PCCA: variants seen among roughly 807,000 people sequenced by gnomAD.
PCCA encodes propionyl-CoA carboxylase alpha chain, mitochondrial.
A neutral mutation model predicts 101.3 loss-of-function variants in PCCA; 74 were observed. That is an observed-to-expected ratio of 0.73 (90% CI 0.61 to 0.89). The LOEUF (loss-of-function observed/expected upper bound fraction) is 0.89, where lower values mean the gene tolerates loss of function less well. PCCA is among the 40% of genes least tolerant of loss of function. The probability of loss-of-function intolerance (pLI) is 0.00; values close to 1 mark genes in which losing one functional copy is unlikely to be tolerated. For missense variants in PCCA, 891 were observed against 907.0 expected, an observed-to-expected ratio of 0.98 and a Z score of 0.23; for synonymous variants, 294 against 313.6, an observed-to-expected ratio of 0.94 and a Z score of 0.66.
chr13:100,405,379 T>C (rs187162231), intron 19 of PCCA, among the ~76,000 whole-genome samples: 1 of 152,298 alleles, frequency 6.6e-6, no homozygotes. Context: ...GCAGGGTTAG[T>C]CTAAAATGTA....
At chr13:100,481,859 A>AG (rs1281809836) in intron 21 of PCCA, among the ~76,000 whole-genome samples, 1 of 152,196 alleles carries the variant, frequency 6.6e-6, no homozygotes, top group Non-Finnish European at 1.5e-5. Flanking sequence ...ACCTTGGATA[A>AG]GGGGGGACTA....
At chr13:100,400,175 A>T (rs952074293) in intron 19 of PCCA, among the ~76,000 whole-genome samples, 1 of 152,160 alleles carries the variant, frequency 6.6e-6, no homozygotes, top group Non-Finnish European at 1.5e-5. Flanking sequence ...TGGGTGATGG[A>T]TATATAGAGG....
intron 6 of PCCA, chr13:100,161,635 ATACTC>A (rs1006516395): frequency 4.6e-5 from 7 of 151,128 alleles, no homozygotes; most frequent in African/African-American, 7.3e-5. Flanking sequence ...GATCCATATG[ATACTC>A]TACTCATTCA....
intron 10 of PCCA, among the ~76,000 whole-genome samples, chr13:100,264,745 A>G (rs754625899): frequency 9.9e-5 from 15 of 152,172 alleles, no homozygotes; most frequent in Non-Finnish European, 4.4e-5. Context: ...GTTGGATTAC[A>G]TAGTAAGGTT....
At chr13:100,205,440 T>G (rs2058792976) in intron 6 of PCCA, among the ~76,000 whole-genome samples, 1 of 151,998 alleles carries the variant, frequency 6.6e-6, no homozygotes, top group Non-Finnish European at 1.5e-5. Flanking sequence ...AAAAGGAAGT[T>G]AAGTCTTTGA....
At chr13:100,326,358 A>C (rs2068682649) in intron 16 of PCCA, among the ~76,000 whole-genome samples, 1 of 152,206 alleles carries the variant, frequency 6.6e-6, no homozygotes. Context: ...ATGAAGAAGA[A>C]GACATAGAAG....
intron 6 of PCCA, among the ~76,000 whole-genome samples, chr13:100,193,363 A>T (rs762550344): frequency 6.6e-6 from 1 of 152,210 alleles, no homozygotes; most frequent in Non-Finnish European, 1.5e-5. Flanking sequence ...AAGAGAAGAT[A>T]TAAAAAAACG....
At chr13:100,382,501 T>C (rs1173523175) in intron 19 of PCCA, among the ~76,000 whole-genome samples, 1 of 152,180 alleles carries the variant, frequency 6.6e-6, no homozygotes, top group Non-Finnish European at 1.5e-5. Flanking sequence ...GCTTTTCAGC[T>C]TGAGGGTGGA....
At chr13:100,183,683 T>C (rs958683322) in intron 6 of PCCA, among the ~76,000 whole-genome samples, 1 of 152,054 alleles carries the variant, frequency 6.6e-6, no homozygotes, top group African/African-American at 2.4e-5. Context: ...GAAGGGGCTG[T>C]AGTGTCGGGA....
At chr13:100,354,115 A>ATAATAG (rs1207706210) in intron 18 of PCCA, among the ~76,000 whole-genome samples, 1 of 138,144 alleles carries the variant, frequency 7.2e-6, no homozygotes, top group African/African-American at 2.6e-5. Context: ...AATAATAATA[A>ATAATAG]TAATAAAATA....
At chr13:100,482,207 A>T (rs911635416) in intron 21 of PCCA, among the ~76,000 whole-genome samples, 1 of 152,222 alleles carries the variant, frequency 6.6e-6, no homozygotes, top group African/African-American at 2.4e-5. Context: ...TTTGGTCGTG[A>T]GTGCAAGTGT....
chr13:100,388,485 T>A (rs2076635139), intron 19 of PCCA, among the ~76,000 whole-genome samples: 1 of 152,138 alleles, frequency 6.6e-6, no homozygotes, highest in Non-Finnish European at 1.5e-5. Context: ...ACAAAAAATG[T>A]AAAACTCACA....
chr13:100,510,950 G>T (rs1050664593), intron 21 of PCCA, among the ~76,000 whole-genome samples: 2 of 152,244 alleles, frequency 1.3e-5, no homozygotes, highest in African/African-American at 4.8e-5. Context: ...AAGGACGGCC[G>T]TAGGCTTCAA....
intron 6 of PCCA, among the ~76,000 whole-genome samples, chr13:100,196,433 T>C (rs1398399004): frequency 2.6e-5 from 4 of 152,188 alleles, no homozygotes; most frequent in African/African-American, 9.6e-5. Flanking sequence ...TATACTTAAG[T>C]GGGAAACTTA....
At chr13:100,302,811 A>G in intron 13 of PCCA, 113 bp from the exon 14 acceptor site, 1 of 749,906 alleles carries the variant, frequency 1.3e-6, no homozygotes, top group Non-Finnish European at 2.5e-6. Context: ...GATTTGGTAA[A>G]TACCATATGT....
intron 18 of PCCA, among the ~76,000 whole-genome samples, chr13:100,360,021 C>A (rs146466664): frequency 6.6e-6 from 1 of 152,270 alleles, no homozygotes; most frequent in East Asian, 1.9e-4. Context: ...TAAAGACATA[C>A]CTGAGACTGG....
intron 4 of PCCA, among the ~76,000 whole-genome samples, chr13:100,137,804 C>CTTTT (rs34819598): frequency 2.8e-5 from 4 of 144,368 alleles, no homozygotes; most frequent in Non-Finnish European, 4.5e-5. Flanking sequence ...ATGTTTAAGT[C>CTTTT]TTTTTTTTTT....
intron 11 of PCCA, among the ~76,000 whole-genome samples, chr13:100,272,239 G>A (rs1416960541): frequency 1.5e-4 from 23 of 152,142 alleles, no homozygotes; most frequent in Non-Finnish European, 1.8e-4. Flanking sequence ...GTTCTCTAAA[G>A]TCACCTTGAT....
intron 19 of PCCA, among the ~76,000 whole-genome samples, chr13:100,377,953 G>GTT (rs2076020997): frequency 6.6e-6 from 1 of 152,100 alleles, no homozygotes. Context: ...TGTGGTTGGT[G>GTT]TTTTCCTTCA....
Sources: gnomAD v4.1 joint callset for allele counts (sites outside exome capture counted in the v4.1 genomes callset) on GRCh38, gnomAD v4.1.1 for gene constraint, MANE v1.5 for transcripts, NCBI Gene and HGNC (gene_info 2026-07-23, HGNC 2026-07-21) for gene names.